Variants in EEPD1 observed in about 807,000 individuals in gnomAD.
EEPD1 encodes the protein endonuclease/exonuclease/phosphatase family domain containing 1, also known as endonuclease/exonuclease/phosphatase family domain-containing protein 1.
A neutral mutation model predicts 46.3 loss-of-function variants in EEPD1; 17 were observed. That is an observed-to-expected ratio of 0.37 (90% confidence interval 0.25 to 0.55). The LOEUF (loss-of-function observed/expected upper bound fraction) is 0.55, where lower values mean the gene tolerates loss of function less well. Ranked by LOEUF, EEPD1 falls within the 20% of genes least tolerant of loss-of-function variation. The probability of loss-of-function intolerance (pLI) is 0.83; values close to 1 mark genes in which losing one functional copy is unlikely to be tolerated. For missense variants in EEPD1, 673 were observed against 745.6 expected (o/e 0.90, Z 1.13); for synonymous variants, 313 against 315.6 (o/e 0.99, Z 0.09).
intron 2 of EEPD1, among the ~76,000 whole-genome samples, chr7:36,195,645 CAGTT>C (rs1387600314): frequency 3.3e-5 from 5 of 152,136 alleles, no homozygotes; most frequent in East Asian, 1.9e-4. Context: ...TACAAAATTT[CAGTT>C]AGATAGGAGG....
At chr7:36,204,697 C>CA (rs756428893) in intron 2 of EEPD1, among the ~76,000 whole-genome samples, 5 of 152,216 alleles carry the variant, frequency 3.3e-5, no homozygotes, top group Non-Finnish European at 5.9e-5. Flanking sequence ...ACCTGGGCTG[C>CA]AGAGCCTGGA....
chr7:36,257,677 T>C (rs1786848342), intron 3 of EEPD1, among the ~76,000 whole-genome samples: 1 of 152,234 alleles, frequency 6.6e-6, no homozygotes, highest in African/African-American at 2.4e-5. Context: ...CTCCATCAGG[T>C]CATTTATGTT....
rs945914111 is a variant in EEPD1 at position 36,301,181 on chromosome 7, C to G, written c.*1975C>G. 1 of 152,190 alleles carries G rather than the reference C, an allele frequency of 6.6e-6. No homozygotes were observed. Among genetic ancestry groups the G allele is most frequent in the Non-Finnish European group, 1.5e-5 (1 of 68,040 alleles). 9.4% of individuals were successfully genotyped at this position (152,190 alleles called of 1,614,324 possible). On this transcript the variant is annotated 3_prime_UTR_variant, in exon 8 of 8. Coordinates refer to ENST00000242108, the MANE Select transcript of EEPD1 (RefSeq NM_030636.3). ...GAGCCAGAGGCTGGGGAGCTGAGTC[C>G]CAGCCAAACCTCACTGGCCCTTTTG...
chr7:36,214,466 A>C (rs1785993263), intron 2 of EEPD1, among the ~76,000 whole-genome samples: 1 of 152,178 alleles, frequency 6.6e-6, no homozygotes, highest in African/African-American at 2.4e-5. Flanking sequence ...GGTCAGGGAG[A>C]TCATCAGTGA....
intron 2 of EEPD1, among the ~76,000 whole-genome samples, chr7:36,181,947 G>A (rs1051907907): frequency 8.5e-5 from 13 of 152,162 alleles, no homozygotes; most frequent in African/African-American, 2.9e-4. Flanking sequence ...GGATTCCCCA[G>A]ACTTTTGCCA....
At chr7:36,298,885 G>T in intron 7 of EEPD1, 122 bp from the exon 8 acceptor site, 2 of 1,124,320 alleles carry the variant, frequency 1.8e-6, no homozygotes, top group Non-Finnish European at 2.6e-6. Flanking sequence ...GCTACCTGAG[G>T]CAGCCTCTCC....
chr7:36,155,944 C>G (rs1355039308), intron 2 of EEPD1, among the ~76,000 whole-genome samples: 1 of 152,162 alleles, frequency 6.6e-6, no homozygotes, highest in African/African-American at 2.4e-5. Flanking sequence ...TTTCTGTTAG[C>G]CTCGTCATAA....
At position 36,286,410 on chromosome 7, in the gene EEPD1, G is replaced by A. The variant is rs182774146; in HGVS notation, c.1177-1229G>A. The stretch of plus-strand genomic sequence containing the variant: ...TGGGACCACATCCGTAAGATAAGAC[G>A]GGCACCCTCCACTTCCTGGGGGCTT... On this transcript the variant is annotated intron_variant, in intron 5 of 7. Coordinates refer to ENST00000242108, the MANE Select transcript of EEPD1 (RefSeq NM_030636.3). Among the ~76,000 whole-genome samples, 749 of 152,294 alleles carry A rather than the reference G, an allele frequency of 4.9e-3. 3 individuals are homozygous for A. Among genetic ancestry groups the A allele is most frequent in the Non-Finnish European group, 7.8e-3 (532 of 68,024 alleles).
At position 36,299,577 on chromosome 7, in the gene EEPD1, A is replaced by C. The variant is rs898044416; in HGVS notation, c.*371A>C. 7.9e-5 allele frequency: 21 copies of C among 265,144 alleles called. No individual in the cohort carries two copies. Among genetic ancestry groups the C allele is most frequent in the African/African-American group, 4.6e-4 (21 of 45,606 alleles). The allele number at this position is 265,144 out of a possible 1,614,324, so 16.4% of individuals were successfully genotyped here. A position where few individuals can be genotyped will look rare whatever the true frequency, so the allele number is the denominator to read the frequency against. Reference sequence around the variant, plus strand: ...CTCAGGCTGCGGGCCACAGTCCAGCAGCGCCAGAAGCACTCATTTCTGACC... The same window carrying C: ...CTCAGGCTGCGGGCCACAGTCCAGCCGCGCCAGAAGCACTCATTTCTGACC... On this transcript the variant is annotated 3_prime_UTR_variant, in exon 8 of 8. Coordinates refer to ENST00000242108, the MANE Select transcript of EEPD1 (RefSeq NM_030636.3).
intron 2 of EEPD1, among the ~76,000 whole-genome samples, chr7:36,234,110 G>C (rs1346319067): frequency 6.6e-6 from 1 of 152,014 alleles, no homozygotes; most frequent in African/African-American, 2.4e-5. Context: ...GTAGAGACAG[G>C]GTTTCACCAT....
intron 2 of EEPD1, among the ~76,000 whole-genome samples, chr7:36,194,521 A>C (rs1030397302): frequency 6.6e-6 from 1 of 151,968 alleles, no homozygotes; most frequent in African/African-American, 2.4e-5. Context: ...CAGGCTTGTT[A>C]CCTCTGCATT....
intron 2 of EEPD1, among the ~76,000 whole-genome samples, chr7:36,160,476 G>C (rs1345553792): frequency 6.7e-6 from 1 of 149,868 alleles, no homozygotes; most frequent in Admixed American, 6.6e-5. Context: ...ATTGGCAAGT[G>C]CAGAGGCCCT....
At chr7:36,233,242 C>T (rs1051307795) in intron 2 of EEPD1, among the ~76,000 whole-genome samples, 4 of 152,228 alleles carry the variant, frequency 2.6e-5, no homozygotes, top group Non-Finnish European at 5.9e-5. Flanking sequence ...GGCCAATGGC[C>T]TTGACCTGCC....
At chr7:36,298,209 G>A (rs1035858348) in intron 7 of EEPD1, among the ~76,000 whole-genome samples, 3 of 152,196 alleles carry the variant, frequency 2.0e-5, no homozygotes, top group South Asian at 2.1e-4. Flanking sequence ...GCCAGCCCAC[G>A]GCCTTTGCAG....
chr7:36,273,918 C>T (rs1477025148), intron 3 of EEPD1, among the ~76,000 whole-genome samples: 1 of 152,234 alleles, frequency 6.6e-6, no homozygotes, highest in Non-Finnish European at 1.5e-5. Context: ...CTCACTGAGC[C>T]TTTAAGTGAC....
At chr7:36,293,444 A>G (rs1031116570) in intron 6 of EEPD1, among the ~76,000 whole-genome samples, 1 of 152,162 alleles carries the variant, frequency 6.6e-6, no homozygotes, top group African/African-American at 2.4e-5. Flanking sequence ...AGACCAGGCC[A>G]CCGGAGATGC....
chr7:36,249,652 C>A (rs1447126146), intron 3 of EEPD1, among the ~76,000 whole-genome samples: 1 of 152,124 alleles, frequency 6.6e-6, no homozygotes, highest in Non-Finnish European at 1.5e-5. Context: ...GCCGCTGTAC[C>A]TACTGCGGTT....
chr7:36,201,079 G>T (rs1785704385), intron 2 of EEPD1, among the ~76,000 whole-genome samples: 1 of 152,072 alleles, frequency 6.6e-6, no homozygotes, highest in Non-Finnish European at 1.5e-5. Flanking sequence ...TGCATAATCA[G>T]AATTTAATCA....
chr7:36,300,282 A>T lies in EEPD1; in HGVS notation c.*1076A>T, dbSNP rs1787599595. ...GAGGAAGCGAGGATGCGTGCCTGCC[A>T]CTAGGCATCTGCATCCCCGAGCCCA... On this transcript the variant is annotated 3_prime_UTR_variant, in exon 8 of 8. Coordinates refer to ENST00000242108, the MANE Select transcript of EEPD1 (RefSeq NM_030636.3). 6.6e-6 allele frequency: 1 copy of T among 152,226 alleles called. No individual in the cohort carries two copies. The highest frequency in any genetic ancestry group is 1.5e-5 in the Non-Finnish European group (1 of 68,058). 9.4% of individuals were successfully genotyped at this position (152,226 alleles called of 1,614,324 possible).
Sources: gnomAD v4.1 joint callset for allele counts (sites outside exome capture counted in the v4.1 genomes callset) on GRCh38, gnomAD v4.1.1 for gene constraint, MANE v1.5 for transcripts, NCBI Gene and HGNC (gene_info 2026-07-23, HGNC 2026-07-21) for gene names.